Variants in PCYT1B observed in about 807,000 individuals in gnomAD.
PCYT1B encodes the protein choline-phosphate cytidylyltransferase B.
In PCYT1B, 10 loss-of-function variants were observed where a neutral mutation model predicts 26.4. That is an observed-to-expected ratio of 0.38 (90% CI 0.23 to 0.64). The LOEUF (loss-of-function observed/expected upper bound fraction) is 0.64, where lower values mean the gene tolerates loss of function less well. Among genes scored for constraint, PCYT1B ranks in the 30% least tolerant of loss-of-function variants. The probability of loss-of-function intolerance (pLI) is 0.56; values close to 1 mark genes in which losing one functional copy is unlikely to be tolerated. For missense variants in PCYT1B, 161 were observed against 292.7 expected (o/e 0.55, Z 3.28); for synonymous variants, 131 against 108.4 (o/e 1.21, Z -1.29).
At chrX:24,652,975 C>T (rs1471337340) in intron 1 of PCYT1B, among the ~76,000 whole-genome samples, 1 of 110,647 alleles carries the variant, frequency 9.0e-6, no homozygotes, top group Non-Finnish European at 1.9e-5. Context: ...ATCCCAGCTA[C>T]TCGGGAGGCT....
chrX:24,558,264 C>G lies in PCYT1B; in HGVS notation c.*4029G>C, dbSNP rs1923238350. The G allele has an allele frequency of 8.9e-6, 1 of 112,048 alleles. No homozygotes were observed. Among genetic ancestry groups the G allele is most frequent in the African/African-American group, 3.3e-5 (1 of 30,719 alleles). The allele number at this position is 112,048 out of a possible 1,213,427, so 9.2% of individuals were successfully genotyped here. ...TTGGGCATAAGGTCGTGCTTTAACC[C>G]AGACAGGTCTTGTCTTATATGTACA... On this transcript the variant is annotated 3_prime_UTR_variant, in exon 8 of 8. Coordinates refer to ENST00000379144, the MANE Select transcript of PCYT1B (RefSeq NM_004845.5).
chrX:24,648,449 ATTTTTTTTTTTTT>A (rs57744798), upstream of PCYT1B, among the ~76,000 whole-genome samples: 1 of 39,717 alleles, frequency 2.5e-5, no homozygotes, highest in Non-Finnish European at 3.9e-5. Context: ...ATTTGAAGGA[ATTTTTTTTTTTTT>A]TTTTTTTTTT....
intron 3 of PCYT1B, among the ~76,000 whole-genome samples, chrX:24,599,616 G>A (rs186062302): frequency 2.0e-4 from 22 of 111,612 alleles, no homozygotes; most frequent in African/African-American, 7.1e-4. Flanking sequence ...GCTTTGGTTA[G>A]TTATGCTCTA....
chrX:24,639,898 C>T (rs1398134664), intron 1 of PCYT1B, among the ~76,000 whole-genome samples: 2 of 111,249 alleles, frequency 1.8e-5, no homozygotes, highest in African/African-American at 6.5e-5. Context: ...CCATCACCAT[C>T]GCCCCTTCCC....
intron 1 of PCYT1B, among the ~76,000 whole-genome samples, chrX:24,642,728 C>T (rs777900127): frequency 3.0e-4 from 34 of 111,635 alleles, no homozygotes; most frequent in Non-Finnish European, 5.3e-4. Flanking sequence ...TGTTTATTTT[C>T]GCCAATATTG....
intron 1 of PCYT1B, among the ~76,000 whole-genome samples, chrX:24,629,737 C>T (rs896541555): frequency 9.1e-6 from 1 of 109,423 alleles, no homozygotes; most frequent in Non-Finnish European, 1.9e-5. Context: ...TTTATTATGC[C>T]CTGGAGATAC....
At chrX:24,596,746 G>C (rs1421887083) in intron 3 of PCYT1B, among the ~76,000 whole-genome samples, 1 of 111,316 alleles carries the variant, frequency 9.0e-6, no homozygotes, top group Non-Finnish European at 1.9e-5. Context: ...CAAATACCAA[G>C]TATTTCTACC....
At chrX:24,615,396 C>G (rs1306874522) in intron 2 of PCYT1B, among the ~76,000 whole-genome samples, 1 of 111,403 alleles carries the variant, frequency 9.0e-6, no homozygotes, top group East Asian at 2.8e-4. Context: ...TAGCTTGATA[C>G]CAGCTCAAAA....
chrX:24,568,198 G>A (rs1037790664), intron 7 of PCYT1B, among the ~76,000 whole-genome samples: 1 of 111,310 alleles, frequency 9.0e-6, no homozygotes, highest in Admixed American at 9.5e-5. Flanking sequence ...ACCCTTACAC[G>A]GTGCCCGACA....
chrX:24,611,311 T>A (rs1413943239), intron 2 of PCYT1B, among the ~76,000 whole-genome samples: 1 of 111,557 alleles, frequency 9.0e-6, no homozygotes, highest in Non-Finnish European at 1.9e-5. Context: ...CTTTTTAGTT[T>A]GTATGTTGAT....
intron 2 of PCYT1B, among the ~76,000 whole-genome samples, chrX:24,616,535 G>A (rs1251564155): frequency 9.0e-6 from 1 of 111,415 alleles, no homozygotes; most frequent in East Asian, 2.8e-4. Context: ...CACCACGCCC[G>A]GTCAGCCACC....
At chrX:24,608,674 G>A (rs1007305452) in intron 2 of PCYT1B, among the ~76,000 whole-genome samples, 1 of 111,507 alleles carries the variant, frequency 9.0e-6, no homozygotes, top group African/African-American at 3.3e-5. Context: ...GCTGTTCCAA[G>A]AGGAAGAGGG....
intron 1 of PCYT1B, among the ~76,000 whole-genome samples, chrX:24,655,099 A>G (rs1926878334): frequency 8.9e-6 from 1 of 112,338 alleles, no homozygotes; most frequent in Non-Finnish European, 1.9e-5. Context: ...TTGACTTATA[A>G]TAACACTATG....
At chrX:24,577,650 C>T (rs984210042) in intron 6 of PCYT1B, among the ~76,000 whole-genome samples, 4 of 111,963 alleles carry the variant, frequency 3.6e-5, no homozygotes, top group African/African-American at 9.7e-5. Context: ...CAACGATTCA[C>T]AATTAATGAG....
chrX:24,562,182 G>C lies in PCYT1B; in HGVS notation c.*111C>G, dbSNP rs1923443697. Reference sequence around the variant, plus strand: ...CCTTAGCAGAGTTCAGGGTCTCTCTGCTGAGCTGCAGCTCCTGTGACTATT... The same window carrying C: ...CCTTAGCAGAGTTCAGGGTCTCTCTCCTGAGCTGCAGCTCCTGTGACTATT... On this transcript the variant is annotated 3_prime_UTR_variant, in exon 8 of 8. Transcript: ENST00000379144. The C allele has an allele frequency of 8.3e-7, 1 of 1,201,361 alleles. No homozygotes were observed. Among genetic ancestry groups the C allele is most frequent in the South Asian group, 1.8e-5 (1 of 55,134 alleles).
At chrX:24,614,932 C>A (rs890779672) in intron 2 of PCYT1B, among the ~76,000 whole-genome samples, 1 of 111,723 alleles carries the variant, frequency 9.0e-6, no homozygotes, top group African/African-American at 3.3e-5. Flanking sequence ...AGTGTGGTCC[C>A]AGGACTAGTA....
chrX:24,607,978 A>G (rs1477583589), intron 2 of PCYT1B, 117 bp from the exon 3 acceptor site: 4 of 441,971 alleles, frequency 9.1e-6, no homozygotes, highest in Non-Finnish European at 1.2e-5. Flanking sequence ...CATCAGTTTC[A>G]TATCAGTGCA....
intron 7 of PCYT1B, among the ~76,000 whole-genome samples, chrX:24,574,576 G>A (rs141484703): frequency 9.0e-6 from 1 of 111,594 alleles, no homozygotes; most frequent in East Asian, 2.8e-4. Context: ...ATCAGGGCAC[G>A]ATGGGCACAG....
At chrX:24,610,691 A>G in intron 2 of PCYT1B, among the ~76,000 whole-genome samples, 1 of 111,859 alleles carries the variant, frequency 8.9e-6, no homozygotes, top group East Asian at 2.8e-4. Flanking sequence ...TCTGAAGAGT[A>G]TTTACAAAGT....
Sources: allele counts gnomAD v4.1 joint callset (sites outside exome capture counted in the v4.1 genomes callset), GRCh38; gene constraint gnomAD v4.1.1; transcripts MANE v1.5; gene names NCBI Gene and HGNC (gene_info 2026-07-23, HGNC 2026-07-21).